Variants in HMGA2 observed in about 807,000 individuals in gnomAD.
HMGA2 encodes the protein high mobility group protein HMGI-C.
Under a neutral mutation model 19.1 loss-of-function variants are expected in HMGA2, and 8 were observed. That is an observed-to-expected ratio of 0.42 (90% CI 0.25 to 0.76). HMGA2 has a LOEUF of 0.76. HMGA2 is among the 30% of genes least tolerant of loss of function. The pLI, the probability that HMGA2 is intolerant of heterozygous loss-of-function variation, is 0.28. For missense variants in HMGA2, 109 were observed against 136.3 expected (o/e 0.80, Z 1.00); for synonymous variants, 60 against 48.8 (o/e 1.23, Z -0.96).
chr12:65,933,514 T>G (rs1875789065), intron 3 of HMGA2, among the ~76,000 whole-genome samples: 2 of 152,178 alleles, frequency 1.3e-5, no homozygotes, highest in African/African-American at 4.8e-5. Context: ...TCTTATGAAA[T>G]CCACTTTGTA....
chr12:65,919,241 A>C (rs1875217417), intron 3 of HMGA2, among the ~76,000 whole-genome samples: 1 of 152,186 alleles, frequency 6.6e-6, no homozygotes, highest in Non-Finnish European at 1.5e-5. Context: ...TTTATTACTC[A>C]CCCTAACATA....
intron 3 of HMGA2, among the ~76,000 whole-genome samples, chr12:65,928,008 G>T (rs1875575467): frequency 6.7e-6 from 1 of 149,282 alleles, no homozygotes. Flanking sequence ...ATTTTATAAA[G>T]ATATATATTC....
chr12:65,950,243 C>T (rs1433932139), intron 3 of HMGA2, among the ~76,000 whole-genome samples: 1 of 152,110 alleles, frequency 6.6e-6, no homozygotes. Flanking sequence ...CGCACGAAAA[C>T]GTGTATATAA....
rs1354522882 is a variant in HMGA2 at position 65,965,723 on chromosome 12, A to G, written c.*2431A>G. The G allele has an allele frequency of 3.1e-5, 7 of 223,030 alleles. No homozygotes were observed. The East Asian group carries it at 4.6e-4, about 15-fold the overall frequency. The allele number at this position is 223,030 out of a possible 1,614,324, so 13.8% of individuals were successfully genotyped here. ...GCTCATAAAATGGAAGCAATTGCTC[A>G]TGTTGGCCAAACATGGTGCACCGAG... On this transcript the variant is annotated 3_prime_UTR_variant, in exon 5 of 5. Transcript: ENST00000403681.
intron 3 of HMGA2, among the ~76,000 whole-genome samples, chr12:65,920,495 C>T (rs1354382557): frequency 6.6e-6 from 1 of 152,128 alleles, no homozygotes; most frequent in Non-Finnish European, 1.5e-5. Flanking sequence ...GTGTCCCCAC[C>T]CAAATGTCAA....
At chr12:65,828,454 G>T (rs930060070) in intron 2 of HMGA2, 2 of 231,466 alleles carry the variant, frequency 8.6e-6, no homozygotes, top group South Asian at 5.9e-5. Flanking sequence ...TATAGATTTT[G>T]CCTGGTGGTA....
At chr12:65,915,399 C>A in intron 3 of HMGA2, 1 of 1,289,736 alleles carries the variant, frequency 7.8e-7, no homozygotes, top group Non-Finnish European at 9.9e-7. Flanking sequence ...GCCATGCCTG[C>A]GGGGACAGCT....
intron 3 of HMGA2, among the ~76,000 whole-genome samples, chr12:65,909,551 T>C (rs1305762348): frequency 6.6e-6 from 1 of 151,898 alleles, no homozygotes; most frequent in Non-Finnish European, 1.5e-5. Context: ...AAGGGTGAAG[T>C]GGGAAAGAGA....
chr12:65,917,158 G>C (rs1022910857), intron 3 of HMGA2, among the ~76,000 whole-genome samples: 1 of 152,098 alleles, frequency 6.6e-6, no homozygotes, highest in African/African-American at 2.4e-5. Flanking sequence ...GCCCCTGGCT[G>C]AACCCCAGGG....
At chr12:65,888,581 T>G (rs1873764497) in intron 3 of HMGA2, among the ~76,000 whole-genome samples, 2 of 82,668 alleles carry the variant, frequency 2.4e-5, no homozygotes, top group Non-Finnish European at 4.8e-5. Context: ...TTTTTTTTTT[T>G]GAGACAGAGT....
chr12:65,906,061 C>A (rs779282285), intron 3 of HMGA2, among the ~76,000 whole-genome samples: 7 of 152,182 alleles, frequency 4.6e-5, no homozygotes, highest in Non-Finnish European at 8.8e-5. Flanking sequence ...AGAGCCTTAC[C>A]AAAGAGCTGA....
At chr12:65,931,862 C>G (rs1875728018) in intron 3 of HMGA2, among the ~76,000 whole-genome samples, 1 of 152,092 alleles carries the variant, frequency 6.6e-6, no homozygotes, top group Admixed American at 6.5e-5. Flanking sequence ...ACAGGCAGCT[C>G]TATGATCATG....
At chr12:65,907,956 T>C (rs1874674822) in intron 3 of HMGA2, among the ~76,000 whole-genome samples, 1 of 152,178 alleles carries the variant, frequency 6.6e-6, no homozygotes, top group Non-Finnish European at 1.5e-5. Context: ...ATTACAAAGG[T>C]AGCTTGACTC....
chr12:65,930,666 C>A (rs1050714421), intron 3 of HMGA2, among the ~76,000 whole-genome samples: 2 of 152,180 alleles, frequency 1.3e-5, no homozygotes, highest in Admixed American at 6.5e-5. Flanking sequence ...AGTGGAAATG[C>A]AAATTTCCTG....
At chr12:65,844,684 G>A (rs931657081) in intron 3 of HMGA2, among the ~76,000 whole-genome samples, 1 of 152,110 alleles carries the variant, frequency 6.6e-6, no homozygotes, top group Admixed American at 6.5e-5. Context: ...GCCCTACTTG[G>A]TCAGCCAGTT....
rs1876832608 is a variant in HMGA2, at chr12:65,964,037, C to T, written c.*745C>T. The T allele has an allele frequency of 4.8e-6, 1 of 207,342 alleles. No homozygotes were observed. Among genetic ancestry groups the T allele is most frequent in the Non-Finnish European group, 9.8e-6 (1 of 101,746 alleles). The allele number at this position is 207,342 out of a possible 1,614,324, so 12.8% of individuals were successfully genotyped here. On this transcript the variant is annotated 3_prime_UTR_variant, in exon 5 of 5. Coordinates refer to ENST00000403681, the MANE Select transcript of HMGA2 (RefSeq NM_003483.6). ...TATCAGCAGGAGTAATAAATTTACT[C>T]ACAGCACTTGTTTTCAGGACAACAC...
intron 3 of HMGA2, among the ~76,000 whole-genome samples, chr12:65,913,454 T>C (rs1247397980): frequency 6.6e-6 from 1 of 152,202 alleles, no homozygotes; most frequent in Non-Finnish European, 1.5e-5. Context: ...TTTCTAATCT[T>C]ATTTCTTCAG....
intron 3 of HMGA2, among the ~76,000 whole-genome samples, chr12:65,901,149 T>C (rs1463275161): frequency 1.3e-5 from 2 of 152,184 alleles, no homozygotes; most frequent in Non-Finnish European, 2.9e-5. Flanking sequence ...AATTGGCAAA[T>C]GCTACAAGCA....
chr12:65,927,100 C>G (rs984494202), intron 3 of HMGA2, among the ~76,000 whole-genome samples: 1 of 152,114 alleles, frequency 6.6e-6, no homozygotes, highest in East Asian at 1.9e-4. Flanking sequence ...GGAGTTTTAT[C>G]ACTCATTTTA....
Sources: allele counts gnomAD v4.1 joint callset (sites outside exome capture counted in the v4.1 genomes callset), GRCh38; gene constraint gnomAD v4.1.1; transcripts MANE v1.5; gene names NCBI Gene and HGNC (gene_info 2026-07-23, HGNC 2026-07-21).